ZNF883: variants seen among roughly 807,000 people sequenced by gnomAD.
ZNF883 encodes zinc finger protein 883.
chr9:113,007,816 G>A (rs978899194), intron 2 of ZNF883, among the ~76,000 whole-genome samples: 5 of 152,104 alleles, frequency 3.3e-5, no homozygotes, highest in African/African-American at 1.2e-4. Flanking sequence ...ACTTGCCTAA[G>A]GTCACCCAAT....
chr9:113,006,382 A>G lies in ZNF883; in HGVS notation n.166-4309T>C, dbSNP rs533746936. 1.1e-3 allele frequency among the ~76,000 whole-genome samples: 171 copies of G among 152,302 alleles called. 1 individual carries two copies. The highest frequency in any genetic ancestry group is 1.8e-4 in the Non-Finnish European group (12 of 68,024). ...GAAATAGTCATAAAATAGCCAGCTA[A>G]CAACCCCTGCTCCCCATGCTACTAT... On this transcript the variant is annotated intron_variant and non_coding_transcript_variant, in intron 2 of 4. Coordinates refer to the ZNF883 transcript ENST00000638622.
chr9:112,996,623 C>G (rs1019457295), downstream of ZNF883, among the ~76,000 whole-genome samples: 32 of 149,716 alleles, frequency 2.1e-4, no homozygotes, highest in African/African-American at 7.6e-4. Flanking sequence ...AACCCCGTCT[C>G]TACTAAAAAT....
chr9:113,007,640 G>C (rs1056427140), intron 2 of ZNF883, among the ~76,000 whole-genome samples: 9 of 152,324 alleles, frequency 5.9e-5, no homozygotes, highest in Middle Eastern at 6.8e-3. Context: ...GAACAGTAAA[G>C]ACAGAAAATA....
chr9:113,001,715 T>C (rs1828426062), upstream of ZNF883, among the ~76,000 whole-genome samples: 1 of 152,192 alleles, frequency 6.6e-6, no homozygotes, highest in South Asian at 2.1e-4. Flanking sequence ...CCATTTTTCC[T>C]TTGTTATCTA....
upstream of ZNF883, among the ~76,000 whole-genome samples, chr9:113,000,254 T>TG (rs1395802630): frequency 6.6e-6 from 1 of 152,126 alleles, no homozygotes; most frequent in Non-Finnish European, 1.5e-5. Context: ...CTAATTCAAA[T>TG]GTATGTATGT....
chr9:112,995,648 T>A (rs1828345377), downstream of ZNF883, among the ~76,000 whole-genome samples: 1 of 152,030 alleles, frequency 6.6e-6, no homozygotes. Flanking sequence ...TTTCTAACTT[T>A]AAAAAAAGTC....
At chr9:112,997,701 G>A (rs543304301) in exon 1 of ZNF883, 65 of 1,613,108 alleles carry the variant, frequency 4.0e-5, no homozygotes, top group East Asian at 2.5e-4. Flanking sequence ...AAAACTTTCC[G>A]ACATTGCTTA....
At chr9:113,005,884 G>C (rs913661613) in intron 2 of ZNF883, among the ~76,000 whole-genome samples, 1 of 152,098 alleles carries the variant, frequency 6.6e-6, no homozygotes, top group Non-Finnish European at 1.5e-5. Flanking sequence ...AATATTACTT[G>C]AATGAGTGCA....
chr9:113,006,898 T>TAA (rs202002384), intron 2 of ZNF883, among the ~76,000 whole-genome samples: 10 of 151,094 alleles, frequency 6.6e-5, no homozygotes, highest in South Asian at 2.1e-4. Flanking sequence ...GGTAATTTTT[T>TAA]AAAAAAAAAA....
At chr9:113,004,506 C>T (rs1587896917) in intron 2 of ZNF883, among the ~76,000 whole-genome samples, 1 of 151,936 alleles carries the variant, frequency 6.6e-6, no homozygotes. Flanking sequence ...ATGGAGGCCT[C>T]ACCAATAGGA....
chr9:113,012,069 C>G (rs1828545291), intron 1 of ZNF883, 81 bp downstream of exon 1: 1 of 152,326 alleles, frequency 6.6e-6, no homozygotes, highest in Non-Finnish European at 1.5e-5. Flanking sequence ...CTCTCCCGAC[C>G]CGCCCGAATG....
chr9:113,006,129 T>C (rs1828473484), intron 2 of ZNF883, among the ~76,000 whole-genome samples: 1 of 146,438 alleles, frequency 6.8e-6, no homozygotes, highest in Non-Finnish European at 1.5e-5. Flanking sequence ...CTAAACCAGC[T>C]AGAATCAAGA....
At chr9:113,000,582 C>G (rs139885244), upstream of ZNF883, among the ~76,000 whole-genome samples, 1 of 151,750 alleles carries the variant, frequency 6.6e-6, no homozygotes, top group Admixed American at 6.6e-5. Flanking sequence ...AAAGAAGAAA[C>G]AAAAAATGCT....
At chr9:112,995,257 C>T (rs1828339687), downstream of ZNF883, among the ~76,000 whole-genome samples, 1 of 152,106 alleles carries the variant, frequency 6.6e-6, no homozygotes, top group Non-Finnish European at 1.5e-5. Context: ...GGACACTAGT[C>T]TTCTGCCTGC....
intron 1 of ZNF883, among the ~76,000 whole-genome samples, chr9:112,991,724 T>G (rs570871594): frequency 6.6e-6 from 1 of 152,328 alleles, no homozygotes; most frequent in Admixed American, 6.5e-5. Context: ...TAAGTCTCTT[T>G]GTCGGTCTCT....
downstream of ZNF883, chr9:112,997,092 C>T (rs185064835): frequency 2.4e-4 from 377 of 1,543,354 alleles, 2 homozygotes; most frequent in African/African-American, 2.5e-3. Flanking sequence ...CAATAACCTA[C>T]GACTGACTGC....
chr9:112,997,655 G>T, exon 1 of ZNF883: 6 of 1,611,220 alleles, frequency 3.7e-6, no homozygotes, highest in Non-Finnish European at 5.1e-6. Context: ...TCCTGTGTGG[G>T]TTCTCTGATG....
downstream of ZNF883, among the ~76,000 whole-genome samples, chr9:112,996,240 T>C (rs1308684645): frequency 6.6e-6 from 1 of 152,192 alleles, no homozygotes; most frequent in African/African-American, 2.4e-5. Context: ...TCTGAGAATT[T>C]ATTGCAATTT....
At chr9:113,007,862 C>T (rs75646710) in intron 2 of ZNF883, among the ~76,000 whole-genome samples, 1 of 152,260 alleles carries the variant, frequency 6.6e-6, no homozygotes, top group East Asian at 1.9e-4. Context: ...AGCCTCTCCC[C>T]TATTCTCGAG....
Sources: gnomAD v4.1 joint callset for allele counts (sites outside exome capture counted in the v4.1 genomes callset) on GRCh38, gnomAD v4.1.1 for gene constraint, MANE v1.5 for transcripts, NCBI Gene and HGNC (gene_info 2026-07-23, HGNC 2026-07-21) for gene names.